Variants in TAFA1 observed in about 807,000 individuals in gnomAD.
TAFA1 encodes the protein TAFA chemokine like family member 1.
In TAFA1, 4 loss-of-function variants were observed where a neutral mutation model predicts 18.5. The observed-to-expected ratio is 0.22, with a 90% CI of 0.11 to 0.49. The LOEUF is 0.49. Among genes scored for constraint, TAFA1 ranks in the 20% least tolerant of loss-of-function variants. The pLI, the probability that TAFA1 is intolerant of heterozygous loss-of-function variation, is 0.98. For missense variants in TAFA1, 147 were observed against 169.0 expected (o/e 0.87, Z 0.72); for synonymous variants, 56 against 55.2 (o/e 1.01, Z -0.06).
chr3:68,509,834 G>A (rs752275516), intron 3 of TAFA1, among the ~76,000 whole-genome samples: 11 of 152,104 alleles, frequency 7.2e-5, no homozygotes, highest in Non-Finnish European at 1.3e-4. Flanking sequence ...ATGCCTCACA[G>A]GGAAATAGTT....
Position 68,145,184 on chromosome 3 carries a change from C to A in TAFA1, c.118+138440C>A. 3 of 818,278 alleles carry A rather than the reference C, an allele frequency of 3.7e-6. No homozygotes were observed. The South Asian group carries it at 4.0e-5, about 11-fold the overall frequency. The allele number at this position is 818,278 out of a possible 1,614,324, so 50.7% of individuals were successfully genotyped here. ...TGCAAGATATCTTTGGAAAAGAATA[C>A]CACCTGCTACAAAATCTGCAAATTC... is the stretch of plus-strand genomic sequence containing the variant. On this transcript the variant is annotated intron_variant, in intron 2 of 4. Coordinates refer to ENST00000478136, the MANE Select transcript of TAFA1 (RefSeq NM_213609.4).
chr3:68,088,903 A>G (rs1469997336), intron 2 of TAFA1, among the ~76,000 whole-genome samples: 1 of 152,116 alleles, frequency 6.6e-6, no homozygotes, highest in Non-Finnish European at 1.5e-5. Context: ...GCTCTATGTA[A>G]TGGTAGAGCT....
chr3:68,493,681 T>C (rs188982026), intron 3 of TAFA1, among the ~76,000 whole-genome samples: 122 of 152,338 alleles, frequency 8.0e-4, no homozygotes, highest in African/African-American at 2.9e-3. Flanking sequence ...CTAATGGATG[T>C]AAGAGGAAAT....
intron 2 of TAFA1, among the ~76,000 whole-genome samples, chr3:68,194,181 G>A (rs997005028): frequency 6.6e-6 from 1 of 151,678 alleles, no homozygotes; most frequent in Non-Finnish European, 1.5e-5. Context: ...AGAATGGCCA[G>A]CCTCAAAGTC....
At chr3:68,301,061 G>A (rs943166664) in intron 2 of TAFA1, among the ~76,000 whole-genome samples, 7 of 151,970 alleles carry the variant, frequency 4.6e-5, no homozygotes, top group Non-Finnish European at 1.0e-4. Context: ...AAAATATTTA[G>A]CACCTTTAGT....
chr3:68,470,310 C>T (rs2071974119), intron 3 of TAFA1, among the ~76,000 whole-genome samples: 1 of 152,140 alleles, frequency 6.6e-6, no homozygotes, highest in African/African-American at 2.4e-5. Context: ...TTATTAGCAG[C>T]ATGAGAACAG....
At chr3:68,139,070 T>G (rs1160141192) in intron 2 of TAFA1, among the ~76,000 whole-genome samples, 1 of 152,202 alleles carries the variant, frequency 6.6e-6, no homozygotes, top group Non-Finnish European at 1.5e-5. Context: ...ATTTTAGATG[T>G]GCATTGATGT....
chr3:68,017,192 G>A (rs1398366878), intron 2 of TAFA1, among the ~76,000 whole-genome samples: 1 of 152,154 alleles, frequency 6.6e-6, no homozygotes, highest in African/African-American at 2.4e-5. Flanking sequence ...TTCCCGGATG[G>A]GGGTCTTATT....
At chr3:68,425,654 T>A (rs969068331) in intron 3 of TAFA1, among the ~76,000 whole-genome samples, 4 of 151,958 alleles carry the variant, frequency 2.6e-5, no homozygotes, top group Non-Finnish European at 4.4e-5. Flanking sequence ...TTATACTGCC[T>A]AATAAAAGAT....
intron 3 of TAFA1, among the ~76,000 whole-genome samples, chr3:68,460,095 C>G (rs530637609): frequency 1.6e-4 from 24 of 151,756 alleles, no homozygotes; most frequent in Admixed American, 3.3e-4. Flanking sequence ...TTCTTGGTCT[C>G]AGAAGGAAAG....
intron 3 of TAFA1, among the ~76,000 whole-genome samples, chr3:68,460,505 C>G (rs1039219810): frequency 6.6e-6 from 1 of 152,060 alleles, no homozygotes; most frequent in Non-Finnish European, 1.5e-5. Flanking sequence ...CGTAACTATC[C>G]TAATAAAATC....
intron 2 of TAFA1, among the ~76,000 whole-genome samples, chr3:68,007,990 C>A (rs1186763320): frequency 1.3e-5 from 2 of 152,250 alleles, no homozygotes; most frequent in African/African-American, 4.8e-5. Flanking sequence ...AGCGAGCGCG[C>A]AAGCCTGCTG....
chr3:68,122,991 GA>G (rs983070470), intron 2 of TAFA1, among the ~76,000 whole-genome samples: 34 of 141,144 alleles, frequency 2.4e-4, no homozygotes, highest in East Asian at 2.3e-3. Context: ...GAGCAGTAAA[GA>G]AAAAAAAAAC....
chr3:68,292,811 G>A (rs956842908), intron 2 of TAFA1, among the ~76,000 whole-genome samples: 10 of 152,114 alleles, frequency 6.6e-5, no homozygotes, highest in African/African-American at 2.4e-4. Flanking sequence ...CCAAAATGCT[G>A]GGATTACAGG....
At chr3:68,209,365 C>G (rs1177890474) in intron 2 of TAFA1, among the ~76,000 whole-genome samples, 1 of 152,130 alleles carries the variant, frequency 6.6e-6, no homozygotes, top group East Asian at 1.9e-4. Flanking sequence ...TGGAACATGC[C>G]TAACCTTCCA....
chr3:68,170,849 TACACACACACAGAAACACACACACAC>T (rs1559546040), intron 2 of TAFA1, among the ~76,000 whole-genome samples: 1 of 149,584 alleles, frequency 6.7e-6, no homozygotes, highest in African/African-American at 2.4e-5. Flanking sequence ...GGATACAGGC[TACACACACACAGAAACACACACACAC>T]ACACACACAC....
chr3:68,013,851 G>A (rs952052051), intron 2 of TAFA1, among the ~76,000 whole-genome samples: 2 of 152,094 alleles, frequency 1.3e-5, no homozygotes, highest in Non-Finnish European at 1.5e-5. Flanking sequence ...TTATCACAGG[G>A]TTTCTCCAAG....
intron 3 of TAFA1, among the ~76,000 whole-genome samples, chr3:68,445,618 A>G (rs763640678): frequency 6.6e-6 from 1 of 152,070 alleles, no homozygotes; most frequent in Non-Finnish European, 1.5e-5. Context: ...TTCTATTTGG[A>G]TAAGATGTAA....
intron 2 of TAFA1, among the ~76,000 whole-genome samples, chr3:68,315,486 C>A (rs187998123): frequency 1.3e-5 from 2 of 152,268 alleles, no homozygotes; most frequent in East Asian, 1.9e-4. Context: ...CCTAAAAATT[C>A]TCCTAAAGAT....
Sources: allele counts gnomAD v4.1 joint callset (sites outside exome capture counted in the v4.1 genomes callset), GRCh38; gene constraint gnomAD v4.1.1; transcripts MANE v1.5; gene names NCBI Gene and HGNC (gene_info 2026-07-23, HGNC 2026-07-21).